Variants in CLMN observed in about 807,000 individuals in gnomAD.
CLMN encodes the protein calmin (calponin-like, transmembrane).
In CLMN, 57 loss-of-function variants were observed where a neutral mutation model predicts 92.7. That is an observed-to-expected ratio of 0.61 (90% CI 0.50 to 0.77). The LOEUF (loss-of-function observed/expected upper bound fraction) is 0.77, where lower values mean the gene tolerates loss of function less well. CLMN is among the 30% of genes least tolerant of loss of function. The probability of loss-of-function intolerance (pLI) is 0.00; values close to 1 mark genes in which losing one functional copy is unlikely to be tolerated. For missense variants in CLMN, 1,158 were observed against 1,237.5 expected (o/e 0.94, Z 0.96); for synonymous variants, 466 against 470.6 (o/e 0.99, Z 0.13).
At chr14:95,277,518 G>C (rs886333740) in intron 1 of CLMN, among the ~76,000 whole-genome samples, 3 of 151,974 alleles carry the variant, frequency 2.0e-5, no homozygotes, top group Admixed American at 2.0e-4. Context: ...GCAGTTAAAA[G>C]GCTTTGCAAG....
intron 1 of CLMN, among the ~76,000 whole-genome samples, chr14:95,244,306 T>G (rs1013133055): frequency 6.6e-6 from 1 of 152,208 alleles, no homozygotes; most frequent in Non-Finnish European, 1.5e-5. Flanking sequence ...GCTCAGTACC[T>G]ATTCAGGTAG....
At chr14:95,286,121 G>A (rs1412345649) in intron 1 of CLMN, among the ~76,000 whole-genome samples, 1 of 152,140 alleles carries the variant, frequency 6.6e-6, no homozygotes, top group Non-Finnish European at 1.5e-5. Context: ...ATTATTTCAG[G>A]TGTGATCATG....
chr14:95,276,848 T>C (rs1022604677), intron 1 of CLMN, among the ~76,000 whole-genome samples: 3 of 152,184 alleles, frequency 2.0e-5, no homozygotes, highest in Non-Finnish European at 4.4e-5. Flanking sequence ...CTGGCCAAAA[T>C]GGAAAATGTT....
At chr14:95,218,678 G>A (rs764343809) in intron 4 of CLMN, among the ~76,000 whole-genome samples, 57 of 152,188 alleles carry the variant, frequency 3.7e-4, no homozygotes, top group Non-Finnish European at 7.3e-4. Flanking sequence ...TTTCCACCTG[G>A]CTCACTCCCC....
chr14:95,208,083 C>T (rs369825945), intron 8 of CLMN, among the ~76,000 whole-genome samples: 1 of 152,136 alleles, frequency 6.6e-6, no homozygotes, highest in African/African-American at 2.4e-5. Flanking sequence ...GGCAAGGCAG[C>T]CAGCTAGAAA....
Position 95,189,279 on chromosome 14 carries a change from T to C in CLMN, c.*2285A>G, listed in dbSNP as rs1451875203. On this transcript the variant is annotated 3_prime_UTR_variant, in exon 13 of 13. Transcript: ENST00000298912. ...ATGTAGAAATGCAAACATAAGAGAG[T>C]TGAAAGTGGTTACTTCTAAGCAGCG... is the stretch of plus-strand genomic sequence containing the variant. The C allele has an allele frequency of 6.6e-6, 1 of 152,120 alleles. No homozygotes were observed. The highest frequency in any genetic ancestry group is 2.4e-5 in the African/African-American group (1 of 41,424). The allele number at this position is 152,120 out of a possible 1,614,324, so 9.4% of individuals were successfully genotyped here.
Position 95,294,103 on chromosome 14 carries a change from C to T in CLMN, c.82+25608G>A, listed in dbSNP as rs1382634724. Among the ~76,000 whole-genome samples, 1 of 152,146 alleles carries T rather than the reference C, an allele frequency of 6.6e-6. No homozygotes were observed. Among genetic ancestry groups the T allele is most frequent in the Non-Finnish European group, 1.5e-5 (1 of 68,028 alleles). ...GCGAACCTCTTCCTACCTACCTCAC[C>T]CTAAACAGCCAGGAGAGTGCGTGCA... On this transcript the variant is annotated intron_variant, in intron 1 of 12. Transcript: ENST00000298912. The surrounding 1 kb of genome is among the most constrained non-coding windows in gnomAD (Gnocchi z 4.2).
chr14:95,287,922 C>A (rs1900405253), intron 1 of CLMN, among the ~76,000 whole-genome samples: 1 of 152,206 alleles, frequency 6.6e-6, no homozygotes, highest in South Asian at 2.1e-4. Flanking sequence ...ATTCTCAGTG[C>A]ACACCAAGGC....
chr14:95,301,605 C>T (rs1008466901), intron 1 of CLMN, among the ~76,000 whole-genome samples: 7 of 152,198 alleles, frequency 4.6e-5, no homozygotes, highest in Non-Finnish European at 8.8e-5. Flanking sequence ...CCCCTACTCC[C>T]TCATCCCCAG....
rs1411016893 is a variant in CLMN, at chr14:95,194,416, A to G, written c.2769+120T>C. The G allele has an allele frequency of 4.5e-6, 7 of 1,562,400 alleles. No individual in the cohort carries two copies. The highest frequency in any genetic ancestry group is 5.2e-6 in the Non-Finnish European group (6 of 1,153,340). On this transcript the variant is annotated intron_variant, in intron 11 of 12. Transcript: ENST00000298912. This position sits in a 1 kb window ranked among gnomAD's most constrained non-coding sequence, Gnocchi z 4.0. The stretch of plus-strand genomic sequence containing the variant: ...TAAGGTTCCAATCTGCTTGTCTTCT[A>G]TCCAAAAGTATAGCTGTTGCATGCC...
intron 1 of CLMN, among the ~76,000 whole-genome samples, chr14:95,278,618 G>A (rs970451599): frequency 6.6e-6 from 1 of 152,114 alleles, no homozygotes; most frequent in African/African-American, 2.4e-5. Flanking sequence ...TGTGTTACCT[G>A]ACCTTTTTTA....
At chr14:95,270,641 CCTTT>C (rs879881382) in intron 1 of CLMN, among the ~76,000 whole-genome samples, 4 of 150,648 alleles carry the variant, frequency 2.7e-5, no homozygotes, top group Admixed American at 2.6e-4. Flanking sequence ...ATCAGTACTT[CCTTT>C]CTTTTTATTG....
chr14:95,277,919 G>T (rs1021798835), intron 1 of CLMN, among the ~76,000 whole-genome samples: 14 of 152,224 alleles, frequency 9.2e-5, no homozygotes, highest in African/African-American at 3.4e-4. Flanking sequence ...GAGCCACTGT[G>T]CCAGGCCAGG....
intron 1 of CLMN, among the ~76,000 whole-genome samples, chr14:95,252,969 A>G (rs1898849355): frequency 6.6e-6 from 1 of 152,174 alleles, no homozygotes; most frequent in Non-Finnish European, 1.5e-5. Context: ...GTAACTGTGA[A>G]GTATAACAGT....
chr14:95,196,410 CA>C, intron 10 of CLMN, 87 bp downstream of exon 10: 13 of 1,295,344 alleles, frequency 1.0e-5, no homozygotes, highest in Non-Finnish European at 1.2e-5. Flanking sequence ...CCCATGCCTG[CA>C]CCTCCCACCC....
At chr14:95,304,780 G>A (rs891209780) in intron 1 of CLMN, among the ~76,000 whole-genome samples, 3 of 151,990 alleles carry the variant, frequency 2.0e-5, no homozygotes, top group South Asian at 2.1e-4. Flanking sequence ...CTGCAGCTCC[G>A]AAACCCCCCA....
chr14:95,286,027 G>A (rs922931757), intron 1 of CLMN, among the ~76,000 whole-genome samples: 19 of 152,210 alleles, frequency 1.2e-4, no homozygotes, highest in African/African-American at 4.3e-4. Flanking sequence ...AAGGGGAGAA[G>A]AGTGGAGACG....
In CLMN at chr14:95,240,507, G is replaced by C. The variant is rs1343539958; in HGVS notation, c.83-10374C>G. ...GAGACAGAACCATAAAAGGAAAGGAGTCTGGGGTCCCATGTCTCCCCATGG... is the reference window on the plus strand; with the variant it reads ...GAGACAGAACCATAAAAGGAAAGGACTCTGGGGTCCCATGTCTCCCCATGG... On this transcript the variant is annotated intron_variant, in intron 1 of 12. Transcript: ENST00000298912. Among the ~76,000 whole-genome samples the C allele has an allele frequency of 2.0e-5, 3 of 152,126 alleles. No homozygotes were observed. The East Asian group carries it at 5.8e-4, about 29-fold the overall frequency.
At chr14:95,319,662 G>C (rs759515177) in intron 1 of CLMN, 49 bp downstream of exon 1, 2 of 1,491,820 alleles carry the variant, frequency 1.3e-6, no homozygotes, top group Non-Finnish European at 1.8e-6. Flanking sequence ...GCGGCGCCCC[G>C]GGCCCCCCGA....
Sources: allele counts gnomAD v4.1 joint callset (sites outside exome capture counted in the v4.1 genomes callset), GRCh38; gene constraint gnomAD v4.1.1; non-coding constraint Gnocchi (gnomAD v3.1); transcripts MANE v1.5; gene names NCBI Gene and HGNC (gene_info 2026-07-23, HGNC 2026-07-21).